The following MYMX variants were observed in gnomAD, a reference collection of about 807,000 sequenced individuals.
The protein encoded by MYMX is protein myomixer.
At chr6:44,210,301 C>A in the MYMX span, among the ~76,000 whole-genome samples, 1 of 129,420 alleles carries the variant, frequency 7.7e-6, no homozygotes, top group East Asian at 2.2e-4. Flanking sequence ...TTGTTTTCGT[C>A]ATTTTGGAGA....
the MYMX span, among the ~76,000 whole-genome samples, chr6:44,197,600 G>A: frequency 2.0e-5 from 3 of 152,202 alleles, no homozygotes; most frequent in Admixed American, 6.5e-5. Flanking sequence ...CTTCTCAGGA[G>A]TATGATGTGG....
chr6:44,212,424 A>T (rs1260893517), upstream of MYMX, among the ~76,000 whole-genome samples: 2 of 151,192 alleles, frequency 1.3e-5, no homozygotes, highest in Admixed American at 1.3e-4. Context: ...ATAAATAAAT[A>T]AATAAATAAA....
At chr6:44,198,145 C>A in the MYMX span, among the ~76,000 whole-genome samples, 1 of 147,818 alleles carries the variant, frequency 6.8e-6, no homozygotes, top group Non-Finnish European at 1.5e-5. Flanking sequence ...TCTACTATCC[C>A]AAATTCCTCT....
the MYMX span, among the ~76,000 whole-genome samples, chr6:44,202,392 A>G: frequency 6.6e-6 from 1 of 151,608 alleles, no homozygotes; most frequent in Admixed American, 6.6e-5. Flanking sequence ...GTGCCAGCCC[A>G]CAGTCCTCAC....
chr6:44,199,633 T>C, the MYMX span, among the ~76,000 whole-genome samples: 1 of 152,098 alleles, frequency 6.6e-6, no homozygotes, highest in Non-Finnish European at 1.5e-5. Context: ...AAAACACAGA[T>C]TGGTGGATTC....
At chr6:44,217,117 G>C in intron 1 of MYMX, 149 bp downstream of exon 1, 1 of 235,162 alleles carries the variant, frequency 4.3e-6, no homozygotes, top group Non-Finnish European at 8.2e-6. Context: ...GGGAACTCCA[G>C]GGGCATTGAG....
chr6:44,206,785 G>A, the MYMX span, among the ~76,000 whole-genome samples: 1 of 151,990 alleles, frequency 6.6e-6, no homozygotes, highest in Non-Finnish European at 1.5e-5. Context: ...TTGGCTTTGT[G>A]ACCAGTGAGG....
the MYMX span, among the ~76,000 whole-genome samples, chr6:44,197,406 G>A: frequency 3.9e-5 from 6 of 152,104 alleles, no homozygotes; most frequent in Non-Finnish European, 7.3e-5. Flanking sequence ...GGTGGCAGAC[G>A]CCTGTAATGC....
upstream of MYMX, chr6:44,216,883 G>A (rs1475973769): frequency 6.6e-6 from 1 of 152,570 alleles, no homozygotes; most frequent in Admixed American, 6.5e-5. Flanking sequence ...AGCAGGGCGG[G>A]GCTACCCCTG....
chr6:44,201,271 G>T, the MYMX span, among the ~76,000 whole-genome samples: 6 of 152,140 alleles, frequency 3.9e-5, no homozygotes, highest in African/African-American at 4.8e-5. Context: ...ATTATGACAG[G>T]GCTGAGCTCC....
At chr6:44,202,711 G>A in the MYMX span, among the ~76,000 whole-genome samples, 1 of 152,084 alleles carries the variant, frequency 6.6e-6, no homozygotes, top group Non-Finnish European at 1.5e-5. Context: ...TAATGGAAGT[G>A]AGGATGGGAA....
At chr6:44,216,423 G>C (rs1220109432), upstream of MYMX, among the ~76,000 whole-genome samples, 1 of 152,052 alleles carries the variant, frequency 6.6e-6, no homozygotes, top group African/African-American at 2.4e-5. Context: ...GTCGAGGCGG[G>C]TGGATCACTT....
At chr6:44,194,807 T>A in the MYMX span, among the ~76,000 whole-genome samples, 1 of 152,058 alleles carries the variant, frequency 6.6e-6, no homozygotes, top group African/African-American at 2.4e-5. Context: ...GGGAAAAAGA[T>A]GGAAGAGAGT....
the MYMX span, among the ~76,000 whole-genome samples, chr6:44,205,554 T>C: frequency 6.6e-6 from 1 of 152,108 alleles, no homozygotes; most frequent in Non-Finnish European, 1.5e-5. Context: ...CTCATGCCTG[T>C]AATCCCAGCA....
upstream of MYMX, among the ~76,000 whole-genome samples, chr6:44,216,415 C>G (rs1204415308): frequency 1.3e-5 from 2 of 151,976 alleles, no homozygotes; most frequent in African/African-American, 2.4e-5. Context: ...TTTGAGAGGT[C>G]GAGGCGGGTG....
At chr6:44,211,656 C>CTGTA in the MYMX span, among the ~76,000 whole-genome samples, 1 of 145,750 alleles carries the variant, frequency 6.9e-6, no homozygotes, top group African/African-American at 2.5e-5. Context: ...CTCACTGTGT[C>CTGTA]GCCCAGGCTA....
At chr6:44,195,082 C>T in the MYMX span, among the ~76,000 whole-genome samples, 1 of 152,058 alleles carries the variant, frequency 6.6e-6, no homozygotes, top group African/African-American at 2.4e-5. Context: ...GTGGCACAAG[C>T]TCAGCTCATT....
At chr6:44,200,922 C>G in the MYMX span, among the ~76,000 whole-genome samples, 7 of 152,138 alleles carry the variant, frequency 4.6e-5, no homozygotes, top group Non-Finnish European at 8.8e-5. Flanking sequence ...TATACAAGCT[C>G]CTTTCCTGGG....
At chr6:44,195,589 C>A in the MYMX span, among the ~76,000 whole-genome samples, 1 of 152,180 alleles carries the variant, frequency 6.6e-6, no homozygotes, top group South Asian at 2.1e-4. Context: ...ACCTCAGCCT[C>A]CCAAAACGTT....
Sources: allele counts gnomAD v4.1 joint callset (sites outside exome capture counted in the v4.1 genomes callset), GRCh38; gene constraint gnomAD v4.1.1; transcripts MANE v1.5; gene names NCBI Gene and HGNC (gene_info 2026-07-23, HGNC 2026-07-21).